Variants in LCORL observed in about 807,000 individuals in gnomAD.
LCORL encodes ligand dependent nuclear receptor corepressor like.
A neutral mutation model predicts 141.8 loss-of-function variants in LCORL; 41 were observed. The ratio of observed to expected loss-of-function variants is 0.29; its 90% confidence interval spans 0.23 to 0.38. LCORL has a LOEUF of 0.38. LCORL is among the 10% of genes least tolerant of loss of function. The pLI, the probability that LCORL is intolerant of heterozygous loss-of-function variation, is 1.00. For missense variants in LCORL, 1,759 were observed against 2,035.0 expected, an observed-to-expected ratio of 0.86 and a Z score of 2.61; for synonymous variants, 618 against 694.1, an observed-to-expected ratio of 0.89 and a Z score of 1.72.
rs558156128 is a variant in LCORL at position 17,912,664 on chromosome 4, C to T, written c.431-3319G>A. Among the ~76,000 whole-genome samples, 6 of 152,188 alleles carry T rather than the reference C, an allele frequency of 3.9e-5. No homozygotes were observed. The East Asian group carries it at 9.7e-4, about 25-fold the overall frequency. ...ATCTGGAGGCCAGCTTGGAGAATGG[C>T]CTGAGGGAGGTGGAGGCCTGCTATG... On this transcript the variant is annotated intron_variant, in intron 4 of 7. Transcript: ENST00000635767.
At chr4:17,849,293 C>A (rs1263210226) in intron 7 of LCORL, among the ~76,000 whole-genome samples, 3 of 152,184 alleles carry the variant, frequency 2.0e-5, no homozygotes, top group Non-Finnish European at 4.4e-5. Context: ...GGCAGACTGA[C>A]ACCTCACACG....
chr4:17,963,307 G>C (rs1176067842), intron 2 of LCORL, among the ~76,000 whole-genome samples: 2 of 151,812 alleles, frequency 1.3e-5, no homozygotes, highest in African/African-American at 4.8e-5. Flanking sequence ...CCAACAATAG[G>C]GTTTTAAATA....
chr4:17,954,340 T>A (rs1187734194), intron 4 of LCORL, among the ~76,000 whole-genome samples: 2 of 152,066 alleles, frequency 1.3e-5, no homozygotes, highest in Non-Finnish European at 2.9e-5. Flanking sequence ...TAACAGCAAG[T>A]CTAAAGATCC....
intron 1 of LCORL, among the ~76,000 whole-genome samples, chr4:17,996,520 G>A (rs1162389121): frequency 6.6e-6 from 1 of 152,026 alleles, no homozygotes; most frequent in Non-Finnish European, 1.5e-5. Context: ...GACTGATAGT[G>A]AGTGAAAAAT....
chr4:17,959,135 CTATT>C (rs1713278982), intron 4 of LCORL, among the ~76,000 whole-genome samples: 1 of 151,996 alleles, frequency 6.6e-6, no homozygotes, highest in Non-Finnish European at 1.5e-5. Flanking sequence ...TTCCTACAAC[CTATT>C]TATTATTAAG....
chr4:17,977,678 A>C (rs1319916648), intron 1 of LCORL, among the ~76,000 whole-genome samples: 1 of 152,184 alleles, frequency 6.6e-6, no homozygotes, highest in Non-Finnish European at 1.5e-5. Flanking sequence ...TCCTTTGTCT[A>C]ATAATATATG....
At chr4:17,962,936 A>T in intron 3 of LCORL, 34 bp downstream of exon 3, 1 of 1,162,704 alleles carries the variant, frequency 8.6e-7, no homozygotes, top group Non-Finnish European at 1.2e-6. Context: ...ATTGTGCATT[A>T]GTTTAAAGAT....
At chr4:17,908,616 T>C (rs1258591987) in intron 5 of LCORL, among the ~76,000 whole-genome samples, 3 of 152,208 alleles carry the variant, frequency 2.0e-5, no homozygotes, top group East Asian at 1.9e-4. Flanking sequence ...TTATGACCAA[T>C]GTTTCTCCAT....
At position 17,976,446 on chromosome 4, in the gene LCORL, C is replaced by A. The variant is rs529729944; in HGVS notation, c.155-3561G>T. Among the ~76,000 whole-genome samples the A allele has an allele frequency of 3.3e-5, 5 of 152,104 alleles. No individual in the cohort carries two copies. The East Asian group carries it at 9.6e-4, about 29-fold the overall frequency. On this transcript the variant is annotated intron_variant, in intron 1 of 7. Coordinates refer to ENST00000635767, the Ensembl canonical transcript of LCORL. ...TCTTCTAGTTTTTTTAGGGCTTGTCCTAAGGTTTACAATATTCATTTTAGC... is the reference window on the plus strand; with the variant it reads ...TCTTCTAGTTTTTTTAGGGCTTGTCATAAGGTTTACAATATTCATTTTAGC...
chr4:17,970,830 A>C (rs949682310), intron 2 of LCORL, among the ~76,000 whole-genome samples: 1 of 152,230 alleles, frequency 6.6e-6, no homozygotes, highest in African/African-American at 2.4e-5. Flanking sequence ...GGACAGTTTA[A>C]GAAAACACAG....
At chr4:17,904,159 A>G (rs1030731697) in intron 5 of LCORL, among the ~76,000 whole-genome samples, 1 of 152,068 alleles carries the variant, frequency 6.6e-6, no homozygotes, top group Non-Finnish European at 1.5e-5. Context: ...CTGAATTACC[A>G]TCTCTTATAA....
intron 5 of LCORL, among the ~76,000 whole-genome samples, chr4:17,889,411 G>A (rs142921028): frequency 2.6e-5 from 4 of 152,102 alleles, no homozygotes; most frequent in South Asian, 2.1e-4. Context: ...AATGAAAAAT[G>A]TACTCCATAT....
intron 4 of LCORL, chr4:17,911,766 C>T (rs1281312980): frequency 8.7e-6 from 4 of 458,890 alleles, no homozygotes; most frequent in South Asian, 1.8e-5. Flanking sequence ...TGGTCAGCAG[C>T]GTGGCTGGCG....
intron 1 of LCORL, among the ~76,000 whole-genome samples, chr4:18,004,612 C>G (rs747525226): frequency 6.6e-6 from 1 of 152,122 alleles, no homozygotes; most frequent in Non-Finnish European, 1.5e-5. Context: ...GGTGGGGAAA[C>G]AGCCAAACCA....
intron 1 of LCORL, among the ~76,000 whole-genome samples, chr4:17,982,222 G>A (rs1718132477): frequency 6.6e-6 from 1 of 151,652 alleles, no homozygotes; most frequent in South Asian, 2.1e-4. Context: ...ATTGTGAATA[G>A]TGCCACAATG....
At chr4:17,998,286 G>A (rs1036880316) in intron 1 of LCORL, among the ~76,000 whole-genome samples, 4 of 152,052 alleles carry the variant, frequency 2.6e-5, no homozygotes, top group Admixed American at 6.6e-5. Flanking sequence ...AACATTGTAC[G>A]ACTACACTAA....
At chr4:18,001,692 G>A (rs561202672) in intron 1 of LCORL, among the ~76,000 whole-genome samples, 26 of 152,278 alleles carry the variant, frequency 1.7e-4, no homozygotes, top group Admixed American at 1.1e-3. Flanking sequence ...AACACAGCTC[G>A]TAAATTTTGC....
chr4:17,938,417 C>CT lies in LCORL; in HGVS notation c.430+23485dup, dbSNP rs71651867. 3.4e-3 allele frequency among the ~76,000 whole-genome samples: 415 copies of CT among 123,456 alleles called. 1 individual carries two copies. Among genetic ancestry groups the CT allele is most frequent in the Middle Eastern group, 0.014 (3 of 220 alleles). 81.0% of individuals were successfully genotyped at this position (123,456 alleles called of 152,430 possible). On this transcript the variant is annotated intron_variant, in intron 4 of 7. Transcript: ENST00000635767. ...TACTTCATTTTGTAACTGTTTCTTT[C>CT]TTTTTTTTTTTTTTTTGAGATGGAG...
intron 4 of LCORL, among the ~76,000 whole-genome samples, chr4:17,918,050 A>G (rs1216265956): frequency 1.3e-5 from 2 of 152,228 alleles, no homozygotes; most frequent in Non-Finnish European, 2.9e-5. Context: ...GCAAACACTG[A>G]GAGTCTTACG....
Sources: gnomAD v4.1 joint callset for allele counts (sites outside exome capture counted in the v4.1 genomes callset) on GRCh38, gnomAD v4.1.1 for gene constraint, MANE v1.5 for transcripts, NCBI Gene and HGNC (gene_info 2026-07-23, HGNC 2026-07-21) for gene names.